Variants in SOCS4 observed in about 807,000 individuals in gnomAD.
SOCS4 encodes SH2 domain containing SOCS box protein.
Under a neutral mutation model 34.1 loss-of-function variants are expected in SOCS4, and 20 were observed. That is an observed-to-expected ratio of 0.59 (90% CI 0.41 to 0.85). The LOEUF (loss-of-function observed/expected upper bound fraction) is 0.85. Ranked by LOEUF, SOCS4 falls within the 40% of genes least tolerant of loss-of-function variation. The probability of loss-of-function intolerance (pLI) is 0.00; values close to 1 mark genes in which losing one functional copy is unlikely to be tolerated. For missense variants in SOCS4, 479 were observed against 532.4 expected, an observed-to-expected ratio of 0.90 and a Z score of 0.99; for synonymous variants, 180 against 186.4, an observed-to-expected ratio of 0.97 and a Z score of 0.28.
Position 55,046,747 on chromosome 14 carries a change from G to A in SOCS4, c.*2383G>A, listed in dbSNP as rs1405028066. ...CTGAAATGATTTTTATTTTTCCTTT[G>A]GTATTTGCTACAGTGAAAAGAAGTT... On this transcript the variant is annotated 3_prime_UTR_variant, in exon 3 of 3. Transcript: ENST00000555846. 1 of 166,790 alleles carries A rather than the reference G, an allele frequency of 6.0e-6. No homozygotes were observed. Among genetic ancestry groups the A allele is most frequent in the Non-Finnish European group, 1.5e-5 (1 of 68,000 alleles). 10.3% of individuals were successfully genotyped at this position (166,790 alleles called of 1,614,324 possible). A position where few individuals can be genotyped will look rare whatever the true frequency, so the allele number is the denominator to read the frequency against.
At position 55,043,511 on chromosome 14, in the gene SOCS4, A is replaced by C; in HGVS notation, c.470A>C (p.Lys157Thr). The stretch of plus-strand genomic sequence containing the variant: ...CGACACACTGCTCCTATAAATTCCA[A>C]ATCAGATGAATGGGTAAGCACAGAC... ...IKRHTAPINS[K>T]SDEWVSTDLS... The change falls in exon 3 of 3, where the codon AAA becomes ACA. Residue 157 changes from lysine (K) to threonine (T), a missense_variant. Lys to Thr is a moderately conservative substitution (Grantham distance 78). Transcript: ENST00000555846. 2 of 1,614,174 alleles carry C rather than the reference A, an allele frequency of 1.2e-6. No homozygotes were observed. Among genetic ancestry groups the C allele is most frequent in the South Asian group, 1.1e-5 (1 of 91,080 alleles).
At chr14:55,029,904 C>A (rs2042513429) in intron 1 of SOCS4, among the ~76,000 whole-genome samples, 1 of 152,154 alleles carries the variant, frequency 6.6e-6, no homozygotes, top group Non-Finnish European at 1.5e-5. Flanking sequence ...ATACTCCCAG[C>A]CATCCAGTTC....
rs189708118 is a variant in SOCS4, at chr14:55,048,703, A to G, written c.*4339A>G. On this transcript the variant is annotated 3_prime_UTR_variant, in exon 3 of 3. Coordinates refer to ENST00000555846, the MANE Select transcript of SOCS4 (RefSeq NM_199421.2). ...TATAACCCAATAGAAAGGGATTTTC[A>G]AATAAAACCAAAGTCTATTTTTTTA... The G allele has an allele frequency of 1.3e-4, 21 of 167,230 alleles. No homozygotes were observed. The highest frequency in any genetic ancestry group is 1.8e-4 in the Non-Finnish European group (12 of 68,112). 10.4% of individuals were successfully genotyped at this position (167,230 alleles called of 1,614,324 possible). A position where few individuals can be genotyped will look rare whatever the true frequency, so the allele number is the denominator to read the frequency against.
rs2042660188 is a variant in SOCS4, at chr14:55,044,847, A to G, written c.*483A>G. On this transcript the variant is annotated 3_prime_UTR_variant, in exon 3 of 3. Coordinates refer to ENST00000555846, the MANE Select transcript of SOCS4 (RefSeq NM_199421.2). ...CGTCCCCCTTTTCATTGAGTTTGAT[A>G]TTCTTCAGTAAAGCTGAATGTTGTA... 6.0e-6 allele frequency: 1 copy of G among 167,150 alleles called. No individual in the cohort carries two copies. Among genetic ancestry groups the G allele is most frequent in the Non-Finnish European group, 1.5e-5 (1 of 68,174 alleles). The allele number at this position is 167,150 out of a possible 1,614,324, so 10.4% of individuals were successfully genotyped here. A position where few individuals can be genotyped will look rare whatever the true frequency, so the allele number is the denominator to read the frequency against.
At chr14:55,039,259 G>C (rs2042597220) in intron 2 of SOCS4, among the ~76,000 whole-genome samples, 1 of 151,980 alleles carries the variant, frequency 6.6e-6, no homozygotes, top group Non-Finnish European at 1.5e-5. Flanking sequence ...AACCTAGGGA[G>C]ACTCTGTCTC....
At chr14:55,038,386 C>T (rs1358012991) in intron 2 of SOCS4, among the ~76,000 whole-genome samples, 1 of 152,162 alleles carries the variant, frequency 6.6e-6, no homozygotes, top group East Asian at 1.9e-4. Context: ...TAGCCAGGGC[C>T]TGTGGATATG....
In SOCS4 at chr14:55,044,390, T is replaced by C. The variant is rs2042655195; in HGVS notation, c.*26T>C. ...TAACAGGATGGGAACATGGGAATGA[T>C]AATATATATTTTTTCTTTTAATATT... On this transcript the variant is annotated 3_prime_UTR_variant, in exon 3 of 3. Transcript: ENST00000555846. The C allele has an allele frequency of 7.3e-7, 1 of 1,370,676 alleles. No individual in the cohort carries two copies. Among genetic ancestry groups the C allele is most frequent in the Non-Finnish European group, 9.5e-7 (1 of 1,053,378 alleles). The allele number at this position is 1,370,676 out of a possible 1,614,324, so 84.9% of individuals were successfully genotyped here.
At chr14:55,028,999 GTT>G (rs763040959) in intron 1 of SOCS4, among the ~76,000 whole-genome samples, 3 of 152,100 alleles carry the variant, frequency 2.0e-5, no homozygotes, top group Non-Finnish European at 2.9e-5. Flanking sequence ...GGTATTTAGT[GTT>G]TTTTGTTTAA....
rs1387111007 is a variant in SOCS4, at chr14:55,049,078, CTG to C, written c.*4718_*4719del. On this transcript the variant is annotated 3_prime_UTR_variant, in exon 3 of 3. Coordinates refer to ENST00000555846, the MANE Select transcript of SOCS4 (RefSeq NM_199421.2). ...AGTTTCCTCCTACCCTTCATATGGT[CTG>C]TGTAAAACTGATGTTTGCTTAACTT... 2 of 166,708 alleles carry C rather than the reference CTG, an allele frequency of 1.2e-5. No individual in the cohort carries two copies. Among genetic ancestry groups the C allele is most frequent in the Admixed American group, 6.5e-5 (1 of 15,286 alleles). The allele number at this position is 166,708 out of a possible 1,614,324, so 10.3% of individuals were successfully genotyped here.
chr14:55,031,011 C>CT (rs1294747552), intron 1 of SOCS4, among the ~76,000 whole-genome samples: 2 of 152,040 alleles, frequency 1.3e-5, no homozygotes, highest in Admixed American at 6.6e-5. Context: ...GGAATTATAG[C>CT]TTTTTTCCCC....
chr14:55,031,341 T>C lies in SOCS4; in HGVS notation c.-219-522T>C, dbSNP rs543666598. ...GGAATGTACACTGATGTTAACAGAT[T>C]AGCCCATTAATGTTTCCCCAAACTT... On this transcript the variant is annotated intron_variant, in intron 1 of 2. Transcript: ENST00000555846. Among the ~76,000 whole-genome samples, 7 of 152,294 alleles carry C rather than the reference T, an allele frequency of 4.6e-5. No homozygotes were observed. In the South Asian group the frequency reaches 1.4e-3, roughly 32 times the overall value.
intron 2 of SOCS4, 145 bp from the exon 3 acceptor site, chr14:55,042,807 G>C (rs1257714770): frequency 4.8e-6 from 2 of 415,734 alleles, no homozygotes; most frequent in Admixed American, 7.9e-5. Context: ...ATTTAAGTGG[G>C]AACAAAGTGT....
Position 55,044,148 on chromosome 14 carries a change from C to T in SOCS4, c.1107C>T (p.Ala369=), listed in dbSNP as rs764271012. The stretch of plus-strand genomic sequence containing the variant: ...TAGAACATTATAAGGACCCAAGCGC[C>T]TGTATGTTCTTTGAACCACTTCTAT... The part of the protein sequence containing the change: ...GLLEHYKDPS[A]CMFFEPLLST... The change falls in exon 3 of 3, where the codon GCC becomes GCT. Residue 369 remains alanine, a synonymous_variant. Transcript: ENST00000555846. The T allele has an allele frequency of 1.2e-6, 2 of 1,614,110 alleles. No individual in the cohort carries two copies. Among genetic ancestry groups the T allele is most frequent in the South Asian group, 1.1e-5 (1 of 91,074 alleles).
At position 55,041,783 on chromosome 14, in the gene SOCS4, C is replaced by CTTTTTTTTTTTTTTT. The variant is rs35998700; in HGVS notation, c.-90-1157_-90-1143dup. Among the ~76,000 whole-genome samples the CTTTTTTTTTTTTTTT allele has an allele frequency of 9.6e-3, 386 of 40,084 alleles. 64 individuals carry two copies. Among genetic ancestry groups the CTTTTTTTTTTTTTTT allele is most frequent in the African/African-American group, 0.013 (160 of 11,984 alleles). The allele number at this position is 40,084 out of a possible 152,430, so 26.3% of individuals were successfully genotyped here. A position where few individuals can be genotyped will look rare whatever the true frequency, so the allele number is the denominator to read the frequency against. On this transcript the variant is annotated intron_variant, in intron 2 of 2. Coordinates refer to ENST00000555846, the MANE Select transcript of SOCS4 (RefSeq NM_199421.2). ...CCACCGTGCCCAGCCAACCCTTAAT[C>CTTTTTTTTTTTTTTT]TTTTTTTTTTTTTTTTTTTTTTTTT...
In SOCS4 at chr14:55,043,725, G is replaced by A. The variant is rs1450319404; in HGVS notation, c.684G>A (p.Met228Ile). ...ATAACAGTATAGAAGATAGTGATATGGATTCCGATGATGAAATTCTAACAC... is the reference window on the plus strand; with the variant it reads ...ATAACAGTATAGAAGATAGTGATATAGATTCCGATGATGAAATTCTAACAC... ...VSNNSIEDSD[M>I]DSDDEILTLC... Residue 228 changes from methionine (M) to isoleucine (I), a missense_variant, in exon 3 of 3, where the codon ATG (methionine) becomes ATA (isoleucine). Coordinates refer to ENST00000555846, the MANE Select transcript of SOCS4 (RefSeq NM_199421.2). The A allele has an allele frequency of 1.2e-6, 2 of 1,613,974 alleles. No individual in the cohort carries two copies. The highest frequency in any genetic ancestry group is 3.3e-5 in the Admixed American group (2 of 59,996).
intron 1 of SOCS4, among the ~76,000 whole-genome samples, chr14:55,028,081 T>C (rs146432218): frequency 1.3e-4 from 20 of 152,376 alleles, no homozygotes; most frequent in African/African-American, 4.8e-4. Flanking sequence ...TTCTGCGTTT[T>C]TGTGATACCT....
In SOCS4 at chr14:55,045,692, AG is replaced by A. The variant is rs1270817027; in HGVS notation, c.*1330del. The A allele has an allele frequency of 6.0e-6, 1 of 166,954 alleles. No homozygotes were observed. Among genetic ancestry groups the A allele is most frequent in the Non-Finnish European group, 1.5e-5 (1 of 67,998 alleles). 10.3% of individuals were successfully genotyped at this position (166,954 alleles called of 1,614,324 possible). ...AGTGGTATCCTATCTTCTTTTTTTA[AG>A]GAATCAATGAATAATAAATGTAGAT... On this transcript the variant is annotated 3_prime_UTR_variant, in exon 3 of 3. Transcript: ENST00000555846.
At chr14:55,032,691 T>C (rs1242421337) in intron 2 of SOCS4, among the ~76,000 whole-genome samples, 2 of 152,246 alleles carry the variant, frequency 1.3e-5, no homozygotes, top group Non-Finnish European at 2.9e-5. Context: ...GTCAAAGATC[T>C]TTGATTTGTC....
chr14:55,046,688 T>C lies in SOCS4; in HGVS notation c.*2324T>C, dbSNP rs2042679116. On this transcript the variant is annotated 3_prime_UTR_variant, in exon 3 of 3. Transcript: ENST00000555846. ...ATATGTAGCCTTGAAGTAGTTGATCTAATAAATGAGAGCAGGGAGGAGATT... is the reference window on the plus strand; with the variant it reads ...ATATGTAGCCTTGAAGTAGTTGATCCAATAAATGAGAGCAGGGAGGAGATT... 6.0e-6 allele frequency: 1 copy of C among 167,042 alleles called. No individual in the cohort carries two copies. Among genetic ancestry groups the C allele is most frequent in the Non-Finnish European group, 1.5e-5 (1 of 68,076 alleles). The allele number at this position is 167,042 out of a possible 1,614,324, so 10.3% of individuals were successfully genotyped here.
Sources: allele counts gnomAD v4.1 joint callset (sites outside exome capture counted in the v4.1 genomes callset), GRCh38; gene constraint gnomAD v4.1.1; transcripts MANE v1.5; gene names NCBI Gene and HGNC (gene_info 2026-07-23, HGNC 2026-07-21).